Variants in P2RX4 observed in about 807,000 individuals in gnomAD.
P2RX4 encodes the protein purinergic receptor P2X 4, also known as P2X purinoceptor 4.
Under a neutral mutation model 48.0 loss-of-function variants are expected in P2RX4, and 37 were observed. That is an observed-to-expected ratio of 0.77 (90% CI 0.59 to 1.01). P2RX4 has a LOEUF of 1.01. P2RX4 is among the 50% of genes least tolerant of loss of function. The pLI is 0.00. For synonymous variants in P2RX4, 200 were observed against 199.7 expected, an observed-to-expected ratio of 1.00 and a Z score of -0.01; for missense variants, 501 against 521.4, an observed-to-expected ratio of 0.96 and a Z score of 0.38.
intron 2 of P2RX4, 100 bp from the exon 3 acceptor site, chr12:121,221,813 C>A (rs1886629178): frequency 2.2e-6 from 2 of 914,964 alleles, no homozygotes; most frequent in Non-Finnish European, 3.6e-6. Flanking sequence ...GGAGAGCACG[C>A]GGTCAGTGTT....
At position 121,232,264 on chromosome 12, in the gene P2RX4, C is replaced by G; in HGVS notation, c.885-150C>G. 1 of 632,512 alleles carries G rather than the reference C, an allele frequency of 1.6e-6. No homozygotes were observed. Among genetic ancestry groups the G allele is most frequent in the Non-Finnish European group, 2.8e-6 (1 of 355,658 alleles). The allele number at this position is 632,512 out of a possible 1,614,324, so 39.2% of individuals were successfully genotyped here. A position where few individuals can be genotyped will look rare whatever the true frequency, so the allele number is the denominator to read the frequency against. Reference sequence around the variant, plus strand: ...GCATCCTCCTGCTTGCACAGCCCGCCTCAGCCAGGAGAGGCCCCGAGCCGC... The same window carrying G: ...GCATCCTCCTGCTTGCACAGCCCGCGTCAGCCAGGAGAGGCCCCGAGCCGC... On this transcript the variant is annotated intron_variant, in intron 8 of 11. Coordinates refer to ENST00000337233, the MANE Select transcript of P2RX4 (RefSeq NM_002560.3). The surrounding 1 kb of genome is among the most constrained non-coding windows in gnomAD (Gnocchi z 4.3).
At chr12:121,226,110 C>A (rs893610816) in intron 5 of P2RX4, among the ~76,000 whole-genome samples, 2 of 149,672 alleles carry the variant, frequency 1.3e-5, no homozygotes, top group African/African-American at 4.9e-5. Context: ...TGGGCTCAAG[C>A]AACCCACCTG....
In P2RX4 at chr12:121,229,548, C is replaced by G. The variant is rs1227313365; in HGVS notation, c.884+449C>G. Among the ~76,000 whole-genome samples, 2 of 152,028 alleles carry G rather than the reference C, an allele frequency of 1.3e-5. No individual in the cohort carries two copies. The highest frequency in any genetic ancestry group is 2.9e-5 in the Non-Finnish European group (2 of 68,024). On this transcript the variant is annotated intron_variant, in intron 8 of 11. Transcript: ENST00000337233. This position sits in a 1 kb window ranked among gnomAD's most constrained non-coding sequence, Gnocchi z 4.6. ...GTGCAGGGGACACAGGTCTGAGGCC[C>G]CTGAAAGGCCTTGCTGGGTTCCCTG...
At chr12:121,211,116 A>C (rs929576044) in intron 1 of P2RX4, among the ~76,000 whole-genome samples, 3 of 152,022 alleles carry the variant, frequency 2.0e-5, no homozygotes, top group Admixed American at 1.3e-4. Context: ...GTCATTCCCC[A>C]TGCTGCCCCC....
intron 11 of P2RX4, chr12:121,233,307 T>A (rs751593292): frequency 1.3e-5 from 8 of 639,906 alleles, no homozygotes; most frequent in Non-Finnish European, 2.0e-5. Flanking sequence ...CTCGTTTCAA[T>A]GAGCGACATC....
At chr12:121,221,547 T>C (rs377351597) in intron 2 of P2RX4, among the ~76,000 whole-genome samples, 3 of 151,540 alleles carry the variant, frequency 2.0e-5, no homozygotes, top group African/African-American at 4.8e-5. Flanking sequence ...GTGCCCGCCA[T>C]CACACCCGGC....
At chr12:121,220,733 T>C (rs905966824) in intron 2 of P2RX4, among the ~76,000 whole-genome samples, 1 of 152,204 alleles carries the variant, frequency 6.6e-6, no homozygotes, top group African/African-American at 2.4e-5. Flanking sequence ...CACCTCTATC[T>C]AGTTCAAAAC....
At position 121,232,338 on chromosome 12, in the gene P2RX4, C is replaced by T; in HGVS notation, c.885-76C>T. On this transcript the variant is annotated intron_variant, in intron 8 of 11. Transcript: ENST00000337233. This position sits in a 1 kb window ranked among gnomAD's most constrained non-coding sequence, Gnocchi z 4.3. Reference sequence around the variant, plus strand: ...AGTGGACCATTCACCTGTGCCAGCTCCACTCTAACGTTCTCTCACAGGGCC... The same window carrying T: ...AGTGGACCATTCACCTGTGCCAGCTTCACTCTAACGTTCTCTCACAGGGCC... 1 of 1,020,402 alleles carries T rather than the reference C, an allele frequency of 9.8e-7. No homozygotes were observed. Among genetic ancestry groups the T allele is most frequent in the Non-Finnish European group, 1.5e-6 (1 of 646,714 alleles). 63.2% of individuals were successfully genotyped at this position (1,020,402 alleles called of 1,614,324 possible).
At chr12:121,215,357 G>A (rs1250768696) in intron 1 of P2RX4, 1 of 152,132 alleles carries the variant, frequency 6.6e-6, no homozygotes, top group Non-Finnish European at 1.5e-5. Context: ...CCAAAGTTAT[G>A]CCTCGTGAAT....
intron 1 of P2RX4, chr12:121,212,845 A>G (rs1885979410): frequency 6.2e-5 from 2 of 32,288 alleles, no homozygotes; most frequent in Non-Finnish European, 1.2e-4. Context: ...TTTTTTGGAG[A>G]CTCACTGCTA....
At chr12:121,219,615 G>GGATGGATAGATAGATA (rs1341119480) in intron 2 of P2RX4, among the ~76,000 whole-genome samples, 4 of 140,532 alleles carry the variant, frequency 2.8e-5, no homozygotes, top group Non-Finnish European at 6.1e-5. Flanking sequence ...ATGGATGGAT[G>GGATGGATAGATAGATA]GATAGATAGA....
At chr12:121,211,748 C>G (rs1416284151) in intron 1 of P2RX4, among the ~76,000 whole-genome samples, 1 of 151,984 alleles carries the variant, frequency 6.6e-6, no homozygotes, top group Non-Finnish European at 1.5e-5. Context: ...AATCTTGGCT[C>G]GCTGCAACCT....
At chr12:121,220,420 G>A (rs1283467442) in intron 2 of P2RX4, among the ~76,000 whole-genome samples, 2 of 152,100 alleles carry the variant, frequency 1.3e-5, no homozygotes, top group Non-Finnish European at 2.9e-5. Flanking sequence ...TAGATCACTT[G>A]AGGCCAGGAG....
intron 6 of P2RX4, 27 bp downstream of exon 6, chr12:121,228,640 C>T: frequency 6.2e-7 from 1 of 1,612,320 alleles, no homozygotes; most frequent in Non-Finnish European, 8.5e-7. Context: ...TGTGTGAGTT[C>T]ACCAGGGTCT....
chr12:121,233,168 TG>T, intron 11 of P2RX4, 76 bp downstream of exon 11: 1 of 1,010,222 alleles, frequency 9.9e-7, no homozygotes, highest in Non-Finnish European at 1.5e-6. Context: ...TGGGCCTGTC[TG>T]GGGAGGCCCT....
rs1274814728 is a variant in P2RX4 at position 121,233,777 on chromosome 12, T to C, written c.*228T>C. 2.8e-6 allele frequency: 3 copies of C among 1,070,590 alleles called. No individual in the cohort carries two copies. The highest frequency in any genetic ancestry group is 2.7e-5 in the East Asian group (1 of 37,084). 66.3% of individuals were successfully genotyped at this position (1,070,590 alleles called of 1,614,324 possible). A position where few individuals can be genotyped will look rare whatever the true frequency, so the allele number is the denominator to read the frequency against. On this transcript the variant is annotated 3_prime_UTR_variant, in exon 12 of 12. Coordinates refer to ENST00000337233, the MANE Select transcript of P2RX4 (RefSeq NM_002560.3). Reference sequence around the variant, plus strand: ...GTTCTTGGCTGGGTCAACTCTGCTTTTCCCGCAACCTGGGGTTGTCGGGGG... The same window carrying C: ...GTTCTTGGCTGGGTCAACTCTGCTTCTCCCGCAACCTGGGGTTGTCGGGGG...
chr12:121,233,216 C>T (rs1438007908), intron 11 of P2RX4, 124 bp downstream of exon 11: 4 of 714,532 alleles, frequency 5.6e-6, no homozygotes, highest in East Asian at 2.5e-5. Context: ...GTGGTGTCCC[C>T]GTTAACCCGG....
chr12:121,232,341 C>T lies in P2RX4; in HGVS notation c.885-73C>T, dbSNP rs2136248650. 1 of 1,055,338 alleles carries T rather than the reference C, an allele frequency of 9.5e-7. No homozygotes were observed. The highest frequency in any genetic ancestry group is 1.5e-6 in the Non-Finnish European group (1 of 677,248). 65.4% of individuals were successfully genotyped at this position (1,055,338 alleles called of 1,614,324 possible). ...GGACCATTCACCTGTGCCAGCTCCA[C>T]TCTAACGTTCTCTCACAGGGCCCAA... On this transcript the variant is annotated intron_variant, in intron 8 of 11. Transcript: ENST00000337233. This position sits in a 1 kb window ranked among gnomAD's most constrained non-coding sequence, Gnocchi z 4.3.
chr12:121,211,965 G>A (rs1276674254), intron 1 of P2RX4, among the ~76,000 whole-genome samples: 1 of 152,128 alleles, frequency 6.6e-6, no homozygotes, highest in African/African-American at 2.4e-5. Flanking sequence ...GTGAGCCACC[G>A]CGCCCAGACG....
Sources: allele counts gnomAD v4.1 joint callset (sites outside exome capture counted in the v4.1 genomes callset), GRCh38; gene constraint gnomAD v4.1.1; non-coding constraint Gnocchi (gnomAD v3.1); transcripts MANE v1.5; gene names NCBI Gene and HGNC (gene_info 2026-07-23, HGNC 2026-07-21).